RBM48: variants seen among roughly 807,000 people sequenced by gnomAD.
RBM48 encodes RNA binding motif protein 48, also known as RNA-binding protein 48.
A neutral mutation model predicts 34.8 loss-of-function variants in RBM48; 32 were observed. The observed-to-expected ratio is 0.92, with a 90% CI of 0.69 to 1.23. The LOEUF is 1.23. RBM48 is among the 50% of genes most tolerant of loss of function. The probability of loss-of-function intolerance (pLI) is 0.00; values close to 1 mark genes in which losing one functional copy is unlikely to be tolerated. For missense variants in RBM48, 441 were observed against 447.2 expected, an observed-to-expected ratio of 0.99 and a Z score of 0.12; for synonymous variants, 151 against 156.2, an observed-to-expected ratio of 0.97 and a Z score of 0.25.
Position 92,536,899 on chromosome 7 carries a change from C to T in RBM48, c.1066C>T (p.His356Tyr), listed in dbSNP as rs754667335. 1.2e-5 allele frequency: 20 copies of T among 1,608,664 alleles called. No individual in the cohort carries two copies. The highest frequency in any genetic ancestry group is 1.6e-5 in the Non-Finnish European group (19 of 1,177,978). The stretch of plus-strand genomic sequence containing the variant: ...TCCAGAGGACAAGCCAGAAGATGTA[C>T]ATACAAGTCATCCATTAAAACAAAG... Reference protein sequence around the residue: ...KPPEDKPEDVHTSHPLKQRRR... With the variant: ...KPPEDKPEDVYTSHPLKQRRR... Residue 356 changes from histidine to tyrosine, a missense_variant, in exon 5 of 5, where the codon CAT becomes TAT. Coordinates refer to ENST00000265732, the MANE Select transcript of RBM48 (RefSeq NM_032120.4).
rs896166579 is a variant in RBM48, at chr7:92,537,755, G to A, written c.*818G>A. 2.0e-5 allele frequency: 3 copies of A among 152,096 alleles called. No individual in the cohort carries two copies. Among genetic ancestry groups the A allele is most frequent in the African/African-American group, 7.2e-5 (3 of 41,424 alleles). The allele number at this position is 152,096 out of a possible 1,614,324, so 9.4% of individuals were successfully genotyped here. A position where few individuals can be genotyped will look rare whatever the true frequency, so the allele number is the denominator to read the frequency against. ...ATTCTAGACTTCTGTTACTACTTCT[G>A]GCATATCCACACTTTTTTCTGTCAG... On this transcript the variant is annotated 3_prime_UTR_variant, in exon 5 of 5. Transcript: ENST00000265732.
intron 2 of RBM48, among the ~76,000 whole-genome samples, 164 bp from the exon 3 acceptor site, chr7:92,532,240 A>T (rs1455152560): frequency 1.3e-5 from 2 of 152,212 alleles, no homozygotes; most frequent in Non-Finnish European, 2.9e-5. Context: ...AATGGGATGA[A>T]TACTGTCCAC....
rs775718530 is a variant in RBM48 at position 92,529,705 on chromosome 7, C to T, written c.302+39C>T. The T allele has an allele frequency of 3.0e-6, 4 of 1,313,468 alleles. No homozygotes were observed. The East Asian group carries it at 7.2e-5, about 24-fold the overall frequency. 81.4% of individuals were successfully genotyped at this position (1,313,468 alleles called of 1,614,324 possible). On this transcript the variant is annotated intron_variant, in intron 2 of 4. Coordinates refer to ENST00000265732, the MANE Select transcript of RBM48 (RefSeq NM_032120.4). ...TAAGAAATGACTCATTTCCTCATTT[C>T]TTCCATTCATATTTCTGTCATTTTG... is the stretch of plus-strand genomic sequence containing the variant.
rs769252315 is a variant in RBM48, at chr7:92,534,738, A to G, written c.785A>G (p.Gln262Arg). 8 of 1,614,200 alleles carry G rather than the reference A, an allele frequency of 5.0e-6. No individual in the cohort carries two copies. The South Asian group carries it at 7.7e-5, about 16-fold the overall frequency. ...LKNSVACPGA[Q>R]KAITSSEAVD... ...AACTCAGTGGCCTGCCCTGGTGCAC[A>G]AAAGGCTATTACGTCTTCAGAGGCA... The change falls in exon 4 of 5, where the codon CAA becomes CGA. Residue 262 changes from glutamine to arginine, a missense_variant. Transcript: ENST00000265732.
chr7:92,535,891 T>G (rs1190059054), intron 4 of RBM48: 6 of 859,256 alleles, frequency 7.0e-6, no homozygotes, highest in Non-Finnish European at 8.4e-6. Flanking sequence ...CTTCAGCACT[T>G]TGGGAGGCTG....
At position 92,534,861 on chromosome 7, in the gene RBM48, C is replaced by T; in HGVS notation, c.908C>T (p.Thr303Ile). 6.2e-7 allele frequency: 1 copy of T among 1,614,206 alleles called. No individual in the cohort carries two copies. Among genetic ancestry groups the T allele is most frequent in the Non-Finnish European group, 8.5e-7 (1 of 1,180,032 alleles). Residue 303 changes from threonine (T) to isoleucine (I), a missense_variant, in exon 4 of 5, where the codon ACT becomes ATT. Thr to Ile is a moderately conservative substitution (Grantham distance 89). Transcript: ENST00000265732. The stretch of plus-strand genomic sequence containing the variant: ...GGAACTTTTCTTCAAACAAACCCAA[C>T]TGGTAATGAGATTATGATTGGACCT... ...KLGTFLQTNP[T>I]GNEIMIGPLL...
chr7:92,535,962 C>G (rs1231989633), intron 4 of RBM48: 2 of 390,636 alleles, frequency 5.1e-6, no homozygotes, highest in African/African-American at 2.2e-5. Flanking sequence ...TGATGAAACC[C>G]CATCTTTACC....
chr7:92,535,470 C>T, intron 4 of RBM48: 1 of 992,486 alleles, frequency 1.0e-6, no homozygotes, highest in Non-Finnish European at 1.2e-6. Context: ...ATGTAGACTT[C>T]TTAAATGATC....
In RBM48 at chr7:92,538,675, A is replaced by G. The variant is rs542125476; in HGVS notation, c.*1738A>G. On this transcript the variant is annotated 3_prime_UTR_variant, in exon 5 of 5. Coordinates refer to ENST00000265732, the MANE Select transcript of RBM48 (RefSeq NM_032120.4). Reference sequence around the variant, plus strand: ...GTCTGGTTCAGGCTTCTCAGACTATAAGTTGCTATGATCTCCACCTCAGGA... The same window carrying G: ...GTCTGGTTCAGGCTTCTCAGACTATGAGTTGCTATGATCTCCACCTCAGGA... Among the ~76,000 whole-genome samples, 6 of 152,280 alleles carry G rather than the reference A, an allele frequency of 3.9e-5. No individual in the cohort carries two copies. Among genetic ancestry groups the G allele is most frequent in the Admixed American group, 2.0e-4 (3 of 15,290 alleles).
intron 1 of RBM48, chr7:92,529,248 GA>G (rs1227232881): frequency 2.4e-5 from 14 of 572,430 alleles, no homozygotes; most frequent in East Asian, 8.8e-5. Flanking sequence ...TCAATTTCTG[GA>G]AAAAAATGTC....
At chr7:92,532,625 C>A in intron 3 of RBM48, 76 bp downstream of exon 3, 1 of 1,075,628 alleles carries the variant, frequency 9.3e-7, no homozygotes, top group Non-Finnish European at 1.4e-6. Flanking sequence ...AATTCCCAGT[C>A]TAGTGGTAGG....
chr7:92,534,178 A>G (rs888649304), intron 3 of RBM48: 2 of 579,754 alleles, frequency 3.4e-6, no homozygotes, highest in Middle Eastern at 3.0e-4. Flanking sequence ...ATGAAACCAG[A>G]CCCATGGAGA....
In RBM48 at chr7:92,538,559, C is replaced by T. The variant is rs1423116068; in HGVS notation, c.*1622C>T. On this transcript the variant is annotated 3_prime_UTR_variant, in exon 5 of 5. Transcript: ENST00000265732. ...AGATAAGGAGGGTAGGCCCTACTTC[C>T]ATGTGAGGTAATTAGATACAGTTTT... 6.6e-6 allele frequency among the ~76,000 whole-genome samples: 1 copy of T among 152,140 alleles called. No individual in the cohort carries two copies. Among genetic ancestry groups the T allele is most frequent in the African/African-American group, 2.4e-5 (1 of 41,404 alleles).
In RBM48 at chr7:92,539,124, A is replaced by G. The variant is rs1398653367; in HGVS notation, c.*2187A>G. On this transcript the variant is annotated 3_prime_UTR_variant, in exon 5 of 5. Transcript: ENST00000265732. Reference sequence around the variant, plus strand: ...GACCATCTTTGAATAGCAAGGCTCTAGATAACTGGGCTACAGATGAACTCT... The same window carrying G: ...GACCATCTTTGAATAGCAAGGCTCTGGATAACTGGGCTACAGATGAACTCT... Among the ~76,000 whole-genome samples, 1 of 152,234 alleles carries G rather than the reference A, an allele frequency of 6.6e-6. No homozygotes were observed. The highest frequency in any genetic ancestry group is 2.4e-5 in the African/African-American group (1 of 41,456).
At chr7:92,536,438 T>C in intron 4 of RBM48, 1 of 986,204 alleles carries the variant, frequency 1.0e-6, no homozygotes, top group Non-Finnish European at 1.2e-6. Context: ...CTCCAGGAAA[T>C]TGAGGATTAT....
At position 92,538,601 on chromosome 7, in the gene RBM48, A is replaced by G. The variant is rs142288708; in HGVS notation, c.*1664A>G. 6.5e-4 allele frequency among the ~76,000 whole-genome samples: 99 copies of G among 152,300 alleles called. No individual in the cohort carries two copies. Among genetic ancestry groups the G allele is most frequent in the African/African-American group, 2.2e-3 (91 of 41,556 alleles). ...TACAGTTTTTGCTGAAATCTCAGGT[A>G]AAGGATATATTAGAGACCTAAGCAT... On this transcript the variant is annotated 3_prime_UTR_variant, in exon 5 of 5. Transcript: ENST00000265732.
chr7:92,535,237 A>G (rs10261596), intron 4 of RBM48: 155,937 of 1,356,154 alleles, frequency 0.11, 9,415 homozygotes, highest in Non-Finnish European at 0.12. Context: ...AATTAAATCA[A>G]TCTGTGAGAG....
rs1012706933 is a variant in RBM48, at chr7:92,539,229, G to A, written c.*2292G>A. 1.3e-5 allele frequency among the ~76,000 whole-genome samples: 2 copies of A among 152,146 alleles called. No homozygotes were observed. Among genetic ancestry groups the A allele is most frequent in the Non-Finnish European group, 2.9e-5 (2 of 68,030 alleles). ...GTCCATTATGCTATATACTGTTTTC[G>A]CTCATCTCTTTTCAGATTGGAAGCC... On this transcript the variant is annotated 3_prime_UTR_variant, in exon 5 of 5. Coordinates refer to ENST00000265732, the MANE Select transcript of RBM48 (RefSeq NM_032120.4).
At position 92,534,715 on chromosome 7, in the gene RBM48, C is replaced by T. The variant is rs780583496; in HGVS notation, c.762C>T (p.Asn254=). Residue 254 remains asparagine (N), a synonymous_variant, in exon 4 of 5, where the codon AAC becomes AAT. Coordinates refer to ENST00000265732, the MANE Select transcript of RBM48 (RefSeq NM_032120.4). ...LRKTQINSLK[N]SVACPGAQKA... ...AAACACAGATAAACTCTTTGAAAAACTCAGTGGCCTGCCCTGGTGCACAAA... is the reference window on the plus strand; with the variant it reads ...AAACACAGATAAACTCTTTGAAAAATTCAGTGGCCTGCCCTGGTGCACAAA... 3.1e-6 allele frequency: 5 copies of T among 1,614,188 alleles called. No homozygotes were observed. The South Asian group carries it at 5.5e-5, about 18-fold the overall frequency.
Sources: gnomAD v4.1 joint callset for allele counts (sites outside exome capture counted in the v4.1 genomes callset) on GRCh38, gnomAD v4.1.1 for gene constraint, MANE v1.5 for transcripts, NCBI Gene and HGNC (gene_info 2026-07-23, HGNC 2026-07-21) for gene names.